The following CHRNA7 variants were observed in gnomAD, a reference collection of about 807,000 sequenced individuals.
CHRNA7 encodes cholinergic receptor nicotinic alpha 7 subunit.
In CHRNA7, 17 loss-of-function variants were observed where a neutral mutation model predicts 48.0. The ratio of observed to expected loss-of-function variants is 0.35; its 90% CI spans 0.24 to 0.53. CHRNA7 has a LOEUF of 0.53. CHRNA7 is among the 20% of genes least tolerant of loss of function. The probability of loss-of-function intolerance (pLI) is 0.92; values close to 1 mark genes in which losing one functional copy is unlikely to be tolerated. For missense variants in CHRNA7, 155 were observed against 577.7 expected, an observed-to-expected ratio of 0.27 and a Z score of 7.50; for synonymous variants, 75 against 242.3, an observed-to-expected ratio of 0.31 and a Z score of 6.41.
At chr15:32,032,314 A>G (rs1366292593) in intron 2 of CHRNA7, among the ~76,000 whole-genome samples, 1 of 152,146 alleles carries the variant, frequency 6.6e-6, no homozygotes, top group Non-Finnish European at 1.5e-5. Flanking sequence ...TTTATGGAGC[A>G]GTTCCTCAGT....
intron 4 of CHRNA7, among the ~76,000 whole-genome samples, chr15:32,142,366 T>C (rs1331964146): frequency 6.6e-6 from 1 of 152,214 alleles, no homozygotes; most frequent in African/African-American, 2.4e-5. Flanking sequence ...CTCAGGGATA[T>C]TGGTCTAAAA....
intron 4 of CHRNA7, among the ~76,000 whole-genome samples, chr15:32,150,425 T>C (rs746531610): frequency 1.3e-5 from 2 of 152,144 alleles, no homozygotes; most frequent in Non-Finnish European, 2.9e-5. Context: ...CCACGTCTGG[T>C]GCGGGTTAGA....
rs569652678 is a variant in CHRNA7 at position 32,041,464 on chromosome 15, G to A, written c.195+10427G>A. Among the ~76,000 whole-genome samples, 13 of 152,312 alleles carry A rather than the reference G, an allele frequency of 8.5e-5. No homozygotes were observed. The South Asian group carries it at 2.5e-3, about 29-fold the overall frequency. ...GTTTGTGTTCCTGTAAGAATGTCACGCTGCCGCTGATCTGACCGGAGGCGG... is the reference window on the plus strand; with the variant it reads ...GTTTGTGTTCCTGTAAGAATGTCACACTGCCGCTGATCTGACCGGAGGCGG... On this transcript the variant is annotated intron_variant, in intron 2 of 9. Coordinates refer to ENST00000306901, the MANE Select transcript of CHRNA7 (RefSeq NM_000746.6).
chr15:32,094,602 T>G (rs2050435580), intron 2 of CHRNA7, among the ~76,000 whole-genome samples: 1 of 152,218 alleles, frequency 6.6e-6, no homozygotes, highest in South Asian at 2.1e-4. Flanking sequence ...TCAAAGGAAC[T>G]TTTTTCCGAT....
intron 4 of CHRNA7, among the ~76,000 whole-genome samples, chr15:32,131,967 TCTC>T (rs140577272): frequency 0.12 from 17,549 of 152,056 alleles, 1,202 homozygotes; most frequent in East Asian, 0.34. Context: ...CCCCAAGTGT[TCTC>T]CACTGAAACA....
At chr15:32,135,868 C>T (rs763830721) in intron 4 of CHRNA7, among the ~76,000 whole-genome samples, 8 of 152,150 alleles carry the variant, frequency 5.3e-5, no homozygotes, top group Non-Finnish European at 1.2e-4. Flanking sequence ...GGCAATTAGA[C>T]TGACTGCAGA....
chr15:32,165,815 T>TTTATC, intron 9 of CHRNA7: 2 of 151,310 alleles, frequency 1.3e-5, no homozygotes, highest in Non-Finnish European at 2.9e-5. Context: ...AGAGGATAAT[T>TTTATC]TTATCTTTTA....
In CHRNA7 at chr15:32,170,849, T is replaced by C; in HGVS notation, c.*2391T>C. ...GAGAGAGACCTTCCCTTTCCAGCAC[T>C]AACGCTCTGTGAAGGGCGCTGCACC... is the stretch of plus-strand genomic sequence containing the variant. On this transcript the variant is annotated 3_prime_UTR_variant, in exon 10 of 10. Coordinates refer to ENST00000306901, the MANE Select transcript of CHRNA7 (RefSeq NM_000746.6). 2.3e-5 allele frequency: 1 copy of C among 43,534 alleles called. No homozygotes were observed. The highest frequency in any genetic ancestry group is 5.5e-5 in the Non-Finnish European group (1 of 18,278). The allele number at this position is 43,534 out of a possible 1,614,324, so 2.7% of individuals were successfully genotyped here. A position where few individuals can be genotyped will look rare whatever the true frequency, so the allele number is the denominator to read the frequency against.
Position 32,149,137 on chromosome 15 carries a change from A to G in CHRNA7, c.351-4770A>G, listed in dbSNP as rs982345932. Among the ~76,000 whole-genome samples the G allele has an allele frequency of 3.3e-5, 5 of 152,252 alleles. No individual in the cohort carries two copies. Among genetic ancestry groups the G allele is most frequent in the African/African-American group, 9.6e-5 (4 of 41,468 alleles). On this transcript the variant is annotated intron_variant, in intron 4 of 9. Coordinates refer to ENST00000306901, the MANE Select transcript of CHRNA7 (RefSeq NM_000746.6). This position sits in a 1 kb window ranked among gnomAD's most constrained non-coding sequence, Gnocchi z 4.6. Reference sequence around the variant, plus strand: ...AAGGACGGAGAGGCCACAGGCCGGCATCTTCACAAACTGTGGATGTACTGT... The same window carrying G: ...AAGGACGGAGAGGCCACAGGCCGGCGTCTTCACAAACTGTGGATGTACTGT...
chr15:32,079,206 G>A (rs927992038), intron 2 of CHRNA7, among the ~76,000 whole-genome samples: 3 of 152,094 alleles, frequency 2.0e-5, no homozygotes, highest in African/African-American at 7.2e-5. Flanking sequence ...TACTGAATGG[G>A]CAAAAGCTGG....
intron 4 of CHRNA7, among the ~76,000 whole-genome samples, chr15:32,147,425 G>A (rs1037572984): frequency 6.6e-6 from 1 of 152,082 alleles, no homozygotes; most frequent in African/African-American, 2.4e-5. Context: ...CAGATAGCAC[G>A]TGCCTGCAGT....
intron 2 of CHRNA7, among the ~76,000 whole-genome samples, chr15:32,053,955 G>A (rs2049739334): frequency 1.3e-5 from 2 of 152,168 alleles, no homozygotes; most frequent in South Asian, 4.1e-4. Flanking sequence ...CCACCTGTGA[G>A]AGATTCTCAG....
chr15:32,053,217 C>A (rs2049723418), intron 2 of CHRNA7, among the ~76,000 whole-genome samples: 1 of 152,166 alleles, frequency 6.6e-6, no homozygotes, highest in Non-Finnish European at 1.5e-5. Context: ...TGTTGCCTTT[C>A]AAGGCTACCA....
chr15:32,117,408 G>A (rs2050891833), intron 4 of CHRNA7, among the ~76,000 whole-genome samples: 1 of 152,216 alleles, frequency 6.6e-6, no homozygotes, highest in African/African-American at 2.4e-5. Context: ...GTAGGCAGCT[G>A]TCAGGGCCTT....
At chr15:32,033,700 T>C (rs183799234) in intron 2 of CHRNA7, among the ~76,000 whole-genome samples, 185 of 152,334 alleles carry the variant, frequency 1.2e-3, no homozygotes, top group African/African-American at 4.4e-3. Context: ...CTCAGCGCTC[T>C]GGACAGAGAC....
chr15:32,113,610 G>A (rs1230882993), intron 4 of CHRNA7, among the ~76,000 whole-genome samples: 4 of 152,098 alleles, frequency 2.6e-5, no homozygotes, highest in Admixed American at 1.3e-4. Context: ...TCGGAGGATC[G>A]CTCTGTGGAT....
chr15:32,130,890 G>T (rs941465744), intron 4 of CHRNA7, among the ~76,000 whole-genome samples: 1 of 151,892 alleles, frequency 6.6e-6, no homozygotes, highest in Non-Finnish European at 1.5e-5. Flanking sequence ...ATCTGAAAAT[G>T]TCTTGACATT....
At chr15:32,148,360 G>A (rs2051537106) in intron 4 of CHRNA7, among the ~76,000 whole-genome samples, 3 of 152,170 alleles carry the variant, frequency 2.0e-5, no homozygotes, top group South Asian at 2.1e-4. Flanking sequence ...TGGGTCAGAT[G>A]ATGCTTTCTC....
rs7164518 is a variant in CHRNA7, at chr15:32,170,407, A to G, written c.*1949A>G. The G allele has an allele frequency of 0.12, 15,039 of 125,286 alleles. 531 individuals carry two copies. Among genetic ancestry groups the G allele is most frequent in the Non-Finnish European group, 0.16 (9,690 of 59,160 alleles). 7.8% of individuals were successfully genotyped at this position (125,286 alleles called of 1,614,324 possible). ...CATTCCTTCCACATGCTATGGATGA[A>G]CCATGCACAAGATTTTCGGTTTTTT... On this transcript the variant is annotated 3_prime_UTR_variant, in exon 10 of 10. Transcript: ENST00000306901.
Sources: gnomAD v4.1 joint callset for allele counts (sites outside exome capture counted in the v4.1 genomes callset) on GRCh38, gnomAD v4.1.1 for gene constraint, Gnocchi (gnomAD v3.1) non-coding constraint, MANE v1.5 for transcripts, NCBI Gene and HGNC (gene_info 2026-07-23, HGNC 2026-07-21) for gene names.